SLC48A1: variants seen among roughly 807,000 people sequenced by gnomAD.
SLC48A1 encodes heme transporter HRG1.
SLC48A1 carries 6 observed loss-of-function variants against 14.8 expected under a neutral mutation model. The observed-to-expected ratio is 0.41, with a 90% confidence interval of 0.22 to 0.80. The LOEUF (loss-of-function observed/expected upper bound fraction) is 0.80, where lower values mean the gene tolerates loss of function less well. Among genes scored for constraint, SLC48A1 ranks in the 30% least tolerant of loss-of-function variants. The pLI, the probability that SLC48A1 is intolerant of heterozygous loss-of-function variation, is 0.34. For synonymous variants in SLC48A1, 89 were observed against 90.0 expected (o/e 0.99, Z 0.06); for missense variants, 165 against 204.8 (o/e 0.81, Z 1.19).
At chr12:47,759,223 G>T in intron 1 of SLC48A1, 2 of 534,694 alleles carry the variant, frequency 3.7e-6, no homozygotes, top group Non-Finnish European at 4.8e-6. Flanking sequence ...AGCGGGGAGG[G>T]GGTGAGTCAC....
At chr12:47,768,182 G>A (rs1942556483), upstream of SLC48A1, among the ~76,000 whole-genome samples, 1 of 152,128 alleles carries the variant, frequency 6.6e-6, no homozygotes, top group Admixed American at 6.6e-5. Flanking sequence ...TTGCCATGTT[G>A]GCCAGGCTGG....
chr12:47,764,044 G>T (rs1014404249), intron 2 of SLC48A1, among the ~76,000 whole-genome samples: 1 of 152,174 alleles, frequency 6.6e-6, no homozygotes, highest in Non-Finnish European at 1.5e-5. Flanking sequence ...TCCCTAGAAG[G>T]GAGGGAAGCA....
upstream of SLC48A1, chr12:47,758,372 C>T: frequency 6.7e-7 from 1 of 1,486,358 alleles, no homozygotes; most frequent in Non-Finnish European, 9.0e-7. Flanking sequence ...TCTCCACTAC[C>T]TCCCAGTATG....
At chr12:47,771,135 A>T (rs535895821), upstream of SLC48A1, 35,292 of 287,962 alleles carry the variant, frequency 0.12, 2,731 homozygotes, top group Non-Finnish European at 0.16. Context: ...GGCTGGGTTT[A>T]TTTTTTTATT....
At chr12:47,767,552 G>A (rs1592600013), upstream of SLC48A1, among the ~76,000 whole-genome samples, 1 of 152,294 alleles carries the variant, frequency 6.6e-6, no homozygotes, top group East Asian at 1.9e-4. Flanking sequence ...AGTCCCCAAT[G>A]AATCAGGACG....
chr12:47,760,590 C>CGTAT (rs2136840480), intron 2 of SLC48A1, among the ~76,000 whole-genome samples: 1 of 145,692 alleles, frequency 6.9e-6, no homozygotes, highest in Admixed American at 6.9e-5. Flanking sequence ...TGAGGCAGGA[C>CGTAT]ACTTGTATAC....
At chr12:47,779,788 GCCT>G (rs1437817128) in intron 2 of SLC48A1, among the ~76,000 whole-genome samples, 1 of 152,216 alleles carries the variant, frequency 6.6e-6, no homozygotes, top group Non-Finnish European at 1.5e-5. Context: ...CCTGAGCTCT[GCCT>G]CCTGTCAGGT....
chr12:47,766,405 G>C (rs1034406863), intron 2 of SLC48A1, among the ~76,000 whole-genome samples: 2 of 152,180 alleles, frequency 1.3e-5, no homozygotes, highest in African/African-American at 2.4e-5. Context: ...AAGGAAGTCA[G>C]TCAGCCCCAT....
chr12:47,763,478 G>A (rs1942435499), intron 2 of SLC48A1, among the ~76,000 whole-genome samples: 1 of 152,134 alleles, frequency 6.6e-6, no homozygotes, highest in Admixed American at 6.5e-5. Flanking sequence ...CCTTGCCTGT[G>A]GTTGGTCAAC....
upstream of SLC48A1, chr12:47,756,520 T>G (rs12818212): frequency 0.13 from 19,710 of 152,164 alleles, 1,361 homozygotes; most frequent in Middle Eastern, 0.15. Flanking sequence ...GACTGACATG[T>G]GGACTCTCCT....
chr12:47,772,882 T>A (rs1264426384), upstream of SLC48A1, among the ~76,000 whole-genome samples: 1 of 152,212 alleles, frequency 6.6e-6, no homozygotes, highest in Non-Finnish European at 1.5e-5. Context: ...TCTTAAGTTT[T>A]ACCTATTAAT....
chr12:47,769,687 G>A (rs1942588423), upstream of SLC48A1: 1 of 152,180 alleles, frequency 6.6e-6, no homozygotes, highest in Admixed American at 6.5e-5. Context: ...TGAGCACTTT[G>A]AGTGTATTAT....
chr12:47,758,703 T>C (rs1026472320), intron 1 of SLC48A1: 66 of 1,286,872 alleles, frequency 5.1e-5, no homozygotes, highest in Non-Finnish European at 6.0e-5. Context: ...CTAGCTGGAC[T>C]GGCTGCCAGG....
chr12:47,767,680 C>G (rs146840691), upstream of SLC48A1, among the ~76,000 whole-genome samples: 1 of 152,082 alleles, frequency 6.6e-6, no homozygotes, highest in Non-Finnish European at 1.5e-5. Flanking sequence ...TAAAACAGAG[C>G]GAGGAATCCT....
intron 2 of SLC48A1, among the ~76,000 whole-genome samples, 188 bp from the exon 3 acceptor site, chr12:47,779,956 TC>T (rs1211314527): frequency 6.6e-6 from 1 of 152,242 alleles, no homozygotes; most frequent in Non-Finnish European, 1.5e-5. Context: ...ACAAAACCAG[TC>T]CCTGGTGCCA....
Position 47,779,058 on chromosome 12 carries a change from A to G in SLC48A1, c.167A>G (p.His56Arg). 6.4e-7 allele frequency: 1 copy of G among 1,551,722 alleles called. No individual in the cohort carries two copies. Among genetic ancestry groups the G allele is most frequent in the South Asian group, 1.2e-5 (1 of 84,046 alleles). ...GVLALWVLVTHVMYMQDYWRT... is the reference protein window; with the variant it reads ...GVLALWVLVTRVMYMQDYWRT... The stretch of plus-strand genomic sequence containing the variant: ...CTGGCACTGTGGGTCCTGGTGACGC[A>G]CGTGATGTACATGCAAGATTATTGG... The change falls in exon 2 of 3, where the codon CAC becomes CGC. Residue 56 changes from histidine to arginine, a missense_variant. By Grantham distance (29) the His-to-Arg change is conservative. Coordinates refer to ENST00000442218, the MANE Select transcript of SLC48A1 (RefSeq NM_017842.3).
upstream of SLC48A1, chr12:47,770,975 G>C (rs2544025): frequency 0.24 from 110,785 of 455,416 alleles, 14,917 homozygotes; most frequent in Middle Eastern, 0.35. Flanking sequence ...ATGCACTCCG[G>C]ACCACGGGGC....
rs765561582 is a variant in SLC48A1, at chr12:47,780,796, A to C, written c.*515A>C. On this transcript the variant is annotated 3_prime_UTR_variant, in exon 3 of 3. Transcript: ENST00000442218. The stretch of plus-strand genomic sequence containing the variant: ...TGGCCAGGCTGGTCTCGAACTCCTG[A>C]TCTCAGGTGATTCACCCGCCTCAGC... The C allele has an allele frequency of 6.8e-5, 32 of 468,772 alleles. No individual in the cohort carries two copies. Among genetic ancestry groups the C allele is most frequent in the Admixed American group, 1.6e-4 (7 of 43,032 alleles). The allele number at this position is 468,772 out of a possible 1,614,324, so 29.0% of individuals were successfully genotyped here.
intron 2 of SLC48A1, among the ~76,000 whole-genome samples, chr12:47,760,921 G>A (rs922544432): frequency 1.3e-5 from 2 of 152,208 alleles, no homozygotes; most frequent in African/African-American, 4.8e-5. Flanking sequence ...TTGAGGCCGG[G>A]TGCGATGGCT....
Sources: gnomAD v4.1 joint callset for allele counts (sites outside exome capture counted in the v4.1 genomes callset) on GRCh38, gnomAD v4.1.1 for gene constraint, MANE v1.5 for transcripts, NCBI Gene and HGNC (gene_info 2026-07-23, HGNC 2026-07-21) for gene names.